EFCAB5: variants seen among roughly 807,000 people sequenced by gnomAD.
EFCAB5 encodes EF-hand calcium-binding domain-containing protein 5.
In EFCAB5, 131 loss-of-function variants were observed where a neutral mutation model predicts 167.9. The observed-to-expected ratio is 0.78, with a 90% CI of 0.68 to 0.90. The LOEUF is 0.90. Among genes scored for constraint, EFCAB5 ranks in the 40% least tolerant of loss-of-function variants. The probability of loss-of-function intolerance (pLI) is 0.00; values close to 1 mark genes in which losing one functional copy is unlikely to be tolerated. For missense variants in EFCAB5, 1,663 were observed against 1,745.2 expected, an observed-to-expected ratio of 0.95 and a Z score of 0.84; for synonymous variants, 574 against 602.8, an observed-to-expected ratio of 0.95 and a Z score of 0.70.
At chr17:30,070,944 C>A (rs1597763997) in intron 14 of EFCAB5, among the ~76,000 whole-genome samples, 1 of 66,638 alleles carries the variant, frequency 1.5e-5, no homozygotes, top group Non-Finnish European at 2.4e-5. Flanking sequence ...AGCGAGATTC[C>A]ATCTCAAAAA....
At chr17:30,027,991 A>G (rs1386461800) in intron 7 of EFCAB5, among the ~76,000 whole-genome samples, 3 of 152,238 alleles carry the variant, frequency 2.0e-5, no homozygotes, top group Non-Finnish European at 4.4e-5. Flanking sequence ...GAATAATTAT[A>G]TGCAAAACTA....
upstream of EFCAB5, among the ~76,000 whole-genome samples, chr17:29,938,879 C>T (rs567055234): frequency 6.6e-6 from 1 of 152,316 alleles, no homozygotes; most frequent in African/African-American, 2.4e-5. Context: ...GGGTTGGAAT[C>T]AACTTCTTCC....
At chr17:30,089,730 G>C (rs888267173) in intron 19 of EFCAB5, among the ~76,000 whole-genome samples, 3 of 152,076 alleles carry the variant, frequency 2.0e-5, no homozygotes, top group African/African-American at 4.8e-5. Flanking sequence ...CTAAGAGATG[G>C]GTAAACACTC....
chr17:30,032,868 T>C (rs1163272114), intron 7 of EFCAB5, among the ~76,000 whole-genome samples: 2 of 149,276 alleles, frequency 1.3e-5, no homozygotes, highest in Non-Finnish European at 3.0e-5. Flanking sequence ...AAATTTTGCC[T>C]CGACTACACA....
chr17:29,935,280 G>C (rs1254975752), intron 1 of EFCAB5, among the ~76,000 whole-genome samples: 1 of 152,128 alleles, frequency 6.6e-6, no homozygotes, highest in South Asian at 2.1e-4. Context: ...CAGCTTGGGT[G>C]GGGTGTGGTG....
intron 2 of EFCAB5, among the ~76,000 whole-genome samples, chr17:29,942,820 T>C (rs2067319739): frequency 6.6e-6 from 1 of 152,106 alleles, no homozygotes; most frequent in South Asian, 2.1e-4. Context: ...GGTGGATCAC[T>C]TGAGGTCAGG....
At chr17:30,038,454 A>G (rs1015818737) in intron 8 of EFCAB5, among the ~76,000 whole-genome samples, 4 of 152,220 alleles carry the variant, frequency 2.6e-5, no homozygotes, top group African/African-American at 9.7e-5. Context: ...ATTACTGTTC[A>G]TTGAGATGCG....
intron 18 of EFCAB5, among the ~76,000 whole-genome samples, chr17:30,084,611 A>T (rs1597551423): frequency 6.6e-6 from 1 of 152,084 alleles, no homozygotes; most frequent in Admixed American, 6.5e-5. Flanking sequence ...TGGGGCAGAG[A>T]CCAGAACAGC....
At chr17:29,940,093 T>C (rs1403524299), upstream of EFCAB5, among the ~76,000 whole-genome samples, 1 of 151,696 alleles carries the variant, frequency 6.6e-6, no homozygotes, top group Non-Finnish European at 1.5e-5. Context: ...TTTTTTTTTT[T>C]TGAGATGGAG....
chr17:29,962,590 C>T (rs2067741713), intron 3 of EFCAB5, among the ~76,000 whole-genome samples: 1 of 149,330 alleles, frequency 6.7e-6, no homozygotes, highest in Admixed American at 6.8e-5. Flanking sequence ...CCCACCTCAG[C>T]TACCAACAGC....
chr17:30,093,343 C>G (rs976003941), intron 22 of EFCAB5, among the ~76,000 whole-genome samples: 15 of 152,178 alleles, frequency 9.9e-5, no homozygotes, highest in Non-Finnish European at 4.4e-5. Context: ...AGACGATTAG[C>G]TGTTTGGCCA....
At chr17:30,026,300 A>T (rs1392384252) in intron 7 of EFCAB5, among the ~76,000 whole-genome samples, 1 of 151,814 alleles carries the variant, frequency 6.6e-6, no homozygotes, top group African/African-American at 2.4e-5. Flanking sequence ...TCCCTATACA[A>T]GTTTGAAAAG....
upstream of EFCAB5, among the ~76,000 whole-genome samples, chr17:29,937,959 A>G (rs985403076): frequency 5.9e-5 from 9 of 152,176 alleles, no homozygotes; most frequent in African/African-American, 1.9e-4. Context: ...ATGGCCATCA[A>G]TCTCTGTGGA....
intron 13 of EFCAB5, 58 bp from the exon 14 acceptor site, chr17:30,059,487 G>T: frequency 6.8e-7 from 1 of 1,469,472 alleles, no homozygotes; most frequent in Non-Finnish European, 9.1e-7. Context: ...AACACAGAAT[G>T]CTAGCTAGCA....
Position 29,984,444 on chromosome 17 carries a change from G to T in EFCAB5, c.768-8721G>T, listed in dbSNP as rs185664421. On this transcript the variant is annotated intron_variant, in intron 4 of 22. Transcript: ENST00000394835. ...CCTTTAAAATACTCATTAAGGCCAG[G>T]CGTGGTGGCTTACACCTGTAATCCC... is the stretch of plus-strand genomic sequence containing the variant. 1.1e-4 allele frequency among the ~76,000 whole-genome samples: 17 copies of T among 152,168 alleles called. No individual in the cohort carries two copies. The East Asian group carries it at 3.3e-3, about 29-fold the overall frequency.
At chr17:30,036,497 A>G (rs1182594332) in intron 8 of EFCAB5, among the ~76,000 whole-genome samples, 1 of 151,168 alleles carries the variant, frequency 6.6e-6, no homozygotes, top group African/African-American at 2.4e-5. Flanking sequence ...CGGCATCATC[A>G]TACCTCACTA....
chr17:30,083,204 A>G (rs2071024686), intron 18 of EFCAB5, among the ~76,000 whole-genome samples, 161 bp downstream of exon 18: 1 of 152,260 alleles, frequency 6.6e-6, no homozygotes, highest in African/African-American at 2.4e-5. Flanking sequence ...AATCCATCTC[A>G]AATTGCCTTA....
upstream of EFCAB5, among the ~76,000 whole-genome samples, chr17:29,940,186 C>T (rs1326418264): frequency 6.6e-6 from 1 of 151,930 alleles, no homozygotes; most frequent in Non-Finnish European, 1.5e-5. Flanking sequence ...AGCCATTTTC[C>T]TGCCTCAGCC....
At chr17:30,040,050 A>T (rs2069728091) in intron 8 of EFCAB5, among the ~76,000 whole-genome samples, 1 of 152,202 alleles carries the variant, frequency 6.6e-6, no homozygotes, top group Non-Finnish European at 1.5e-5. Context: ...AGCAAAAGTG[A>T]CTGTTATGCT....
Sources: gnomAD v4.1 joint callset for allele counts (sites outside exome capture counted in the v4.1 genomes callset) on GRCh38, gnomAD v4.1.1 for gene constraint, MANE v1.5 for transcripts, NCBI Gene and HGNC (gene_info 2026-07-23, HGNC 2026-07-21) for gene names.